Variants in BRD9 observed in about 807,000 individuals in gnomAD.
The protein encoded by BRD9 is bromodomain-containing protein 9.
Under a neutral mutation model 68.7 loss-of-function variants are expected in BRD9, and 47 were observed. The observed-to-expected ratio is 0.68, with a 90% CI of 0.54 to 0.87. BRD9 has a LOEUF of 0.87. Ranked by LOEUF, BRD9 falls within the 40% of genes least tolerant of loss-of-function variation. The probability of loss-of-function intolerance (pLI) is 0.00; values close to 1 mark genes in which losing one functional copy is unlikely to be tolerated. For missense variants in BRD9, 670 were observed against 748.4 expected (o/e 0.90, Z 1.22); for synonymous variants, 313 against 293.9 (o/e 1.06, Z -0.67).
At chr5:872,617 A>AG (rs1348805639) in intron 12 of BRD9, among the ~76,000 whole-genome samples, 1 of 152,138 alleles carries the variant, frequency 6.6e-6, no homozygotes, top group African/African-American at 2.4e-5. Flanking sequence ...GGCTCTGCAG[A>AG]GGGGGCTGCT....
At position 889,079 on chromosome 5, in the gene BRD9, A is replaced by C; in HGVS notation, c.548T>G (p.Phe183Cys). The C allele has an allele frequency of 1.2e-6, 2 of 1,610,974 alleles. No individual in the cohort carries two copies. Among genetic ancestry groups the C allele is most frequent in the Non-Finnish European group, 1.7e-6 (2 of 1,179,258 alleles). The change falls in exon 5 of 16, where the codon TTT (phenylalanine) becomes TGT (cysteine). Residue 183 changes from phenylalanine (F) to cysteine (C), a missense_variant. Phe to Cys is a radical substitution (Grantham distance 205, BLOSUM62 -2). Around this residue, in one of 5 missense-constraint regions of BRD9, gnomAD observed 94 missense variants for 157.2 expected, o/e 0.60. Transcript: ENST00000467963. ...TACAATTTTGTCTTTCATGGTGCCA[A>C]AATCCATGGGATGTTTTATTATCAT... is the stretch of plus-strand genomic sequence containing the variant. ...YSMIIKHPMD[F>C]GTMKDKIVAN...
chr5:865,601 C>A lies in BRD9; in HGVS notation c.1526-20G>T. The stretch of plus-strand genomic sequence containing the variant: ...CCTTCCCTGTGTAAACAGGACATGA[C>A]CCCACGTCGGCTGAGCTCAGCCGGC... On this transcript the variant is annotated intron_variant, in intron 14 of 15. Transcript: ENST00000467963. 1 of 1,570,770 alleles carries A rather than the reference C, an allele frequency of 6.4e-7. No homozygotes were observed. The highest frequency in any genetic ancestry group is 1.7e-5 in the Admixed American group (1 of 58,466).
intron 12 of BRD9, 92 bp downstream of exon 12, chr5:876,009 C>T (rs941073879): frequency 1.1e-5 from 9 of 840,406 alleles, no homozygotes; most frequent in Non-Finnish European, 1.7e-5. Flanking sequence ...GACAGCTCCT[C>T]GTCCCCGAAA....
chr5:888,931 C>T (rs931513395), intron 5 of BRD9, 90 bp downstream of exon 5: 3 of 1,377,454 alleles, frequency 2.2e-6, no homozygotes, highest in Non-Finnish European at 2.9e-6. Context: ...AGCTCAAAAA[C>T]TAGAAATGAT....
intron 5 of BRD9, among the ~76,000 whole-genome samples, 174 bp from the exon 6 acceptor site, chr5:887,645 T>G (rs1484443006): frequency 6.6e-6 from 1 of 152,226 alleles, no homozygotes; most frequent in Non-Finnish European, 1.5e-5. Context: ...TTTTCTTAGT[T>G]GCACATTGGT....
At chr5:885,426 G>A (rs73733967) in intron 7 of BRD9, among the ~76,000 whole-genome samples, 5,753 of 152,236 alleles carry the variant, frequency 0.038, 340 homozygotes, top group African/African-American at 0.13. Flanking sequence ...CACCGCTGCC[G>A]CCCCACCTGT....
rs1753339099 is a variant in BRD9 at position 891,269 on chromosome 5, G to T, written c.286C>A (p.Arg96=). 1 of 1,551,542 alleles carries T rather than the reference G, an allele frequency of 6.4e-7. No homozygotes were observed. The highest frequency in any genetic ancestry group is 2.4e-5 in the East Asian group (1 of 40,924). ...RKRKEEKKRK[R]EREHCDTEGE... is the part of the protein sequence containing the mutation. ...TCCGTGTCACAGTGCTCCCTCTCTC[G>T]CTTCCGCTTCTTCTCTTCCTGGGCG... is the stretch of plus-strand genomic sequence containing the variant. The change falls in exon 3 of 16, where the codon CGA becomes AGA. Residue 96 remains arginine, a synonymous_variant. Transcript: ENST00000467963.
intron 1 of BRD9, 109 bp downstream of exon 1, chr5:892,497 C>T (rs1228018818): frequency 1.4e-6 from 2 of 1,473,490 alleles, no homozygotes; most frequent in African/African-American, 1.4e-5. Context: ...ACCCCTCCCT[C>T]GTGGCCAGGA....
intron 8 of BRD9, among the ~76,000 whole-genome samples, chr5:882,733 T>C (rs1579977127): frequency 3.2e-5 from 4 of 125,870 alleles, no homozygotes; most frequent in Non-Finnish European, 3.3e-5. Context: ...CACAGCAACT[T>C]CCCAACACGC....
chr5:864,445 A>C lies in BRD9; in HGVS notation c.*23T>G. The C allele has an allele frequency of 2.0e-6, 3 of 1,533,472 alleles. No individual in the cohort carries two copies. Among genetic ancestry groups the C allele is most frequent in the Non-Finnish European group, 2.7e-6 (3 of 1,129,210 alleles). 95.0% of individuals were successfully genotyped at this position (1,533,472 alleles called of 1,614,324 possible). A position where few individuals can be genotyped will look rare whatever the true frequency, so the allele number is the denominator to read the frequency against. On this transcript the variant is annotated 3_prime_UTR_variant, in exon 16 of 16. Transcript: ENST00000467963. Reference sequence around the variant, plus strand: ...AAAATAAAACTAAAAAAATAAAATAAAAGAGCTGAAGGTGGTCTAGAGTTA... The same window carrying C: ...AAAATAAAACTAAAAAAATAAAATACAAGAGCTGAAGGTGGTCTAGAGTTA...
At chr5:880,533 C>T (rs1478188058) in intron 9 of BRD9, among the ~76,000 whole-genome samples, 1 of 152,102 alleles carries the variant, frequency 6.6e-6, no homozygotes, top group Admixed American at 6.5e-5. Context: ...AATCTAGAGG[C>T]AACCCGTGCC....
intron 8 of BRD9, 86 bp downstream of exon 8, chr5:883,852 G>A: frequency 1.3e-6 from 2 of 1,533,726 alleles, no homozygotes; most frequent in Non-Finnish European, 1.8e-6. Flanking sequence ...GGCTGTGCTA[G>A]ATCACACAGC....
intron 8 of BRD9, chr5:883,582 T>C: frequency 2.5e-6 from 1 of 395,170 alleles, no homozygotes; most frequent in Non-Finnish European, 4.9e-6. Flanking sequence ...GCACCCCCAC[T>C]GGAATAACAA....
At chr5:873,035 C>T (rs1414426755) in intron 12 of BRD9, among the ~76,000 whole-genome samples, 1 of 152,072 alleles carries the variant, frequency 6.6e-6, no homozygotes, top group East Asian at 1.9e-4. Flanking sequence ...TGTGGTGGCG[C>T]ATGCCTGTAA....
chr5:874,860 G>A (rs984422709), intron 12 of BRD9, among the ~76,000 whole-genome samples: 2 of 152,208 alleles, frequency 1.3e-5, no homozygotes, highest in Admixed American at 6.5e-5. Context: ...AGCCTGGTGC[G>A]GCAGCACAGT....
chr5:880,966 G>T, intron 9 of BRD9, 141 bp downstream of exon 9: 2 of 817,746 alleles, frequency 2.4e-6, no homozygotes, highest in Non-Finnish European at 3.9e-6. Context: ...GTGTCACGTT[G>T]GGGTGCGAGC....
chr5:870,246 G>A (rs1749942616), intron 14 of BRD9: 1 of 499,992 alleles, frequency 2.0e-6, no homozygotes. Context: ...GGTTACCCAG[G>A]GGCTGCAACC....
Position 878,284 on chromosome 5 carries a change from A to G in BRD9, c.1271+71T>C, listed in dbSNP as rs186245719. The G allele has an allele frequency of 2.0e-4, 322 of 1,588,978 alleles. 1 individual carries two copies. The East Asian group carries it at 6.6e-3, about 32-fold the overall frequency. ...CTCTCCCCACCCGCACACATGTGGGACTCCACGTCCCACACCAGGGCACAG... is the reference window on the plus strand; with the variant it reads ...CTCTCCCCACCCGCACACATGTGGGGCTCCACGTCCCACACCAGGGCACAG... On this transcript the variant is annotated intron_variant, in intron 11 of 15. Coordinates refer to ENST00000467963, the MANE Select transcript of BRD9 (RefSeq NM_023924.5).
chr5:869,338 T>A lies in BRD9; in HGVS notation c.1525+1135A>T, dbSNP rs1472435092. The A allele has an allele frequency of 6.6e-6, 3 of 456,248 alleles. No individual in the cohort carries two copies. The Admixed American group carries it at 7.0e-5, about 11-fold the overall frequency. 28.3% of individuals were successfully genotyped at this position (456,248 alleles called of 1,614,324 possible). On this transcript the variant is annotated intron_variant, in intron 14 of 15. Transcript: ENST00000467963. ...GTTGACAAAGCAGACTCCGTGGTAA[T>A]AAGACACCAAATTCCGATCCGACTT...
Sources: allele counts gnomAD v4.1 joint callset (sites outside exome capture counted in the v4.1 genomes callset), GRCh38; gene constraint gnomAD v4.1.1; regional missense constraint gnomAD v4.1.1; transcripts MANE v1.5; gene names NCBI Gene and HGNC (gene_info 2026-07-23, HGNC 2026-07-21).